Variants in CACNA1A observed in about 807,000 individuals in gnomAD.
CACNA1A encodes the protein calcium voltage-gated channel subunit alpha1 A, also known as voltage-dependent P/Q-type calcium channel subunit alpha-1A.
In CACNA1A, 57 loss-of-function variants were observed where a neutral mutation model predicts 262.4. The ratio of observed to expected loss-of-function variants is 0.22; its 90% CI spans 0.18 to 0.27. The LOEUF (loss-of-function observed/expected upper bound fraction) is 0.27, where lower values mean the gene tolerates loss of function less well. Among genes scored for constraint, CACNA1A ranks in the 10% least tolerant of loss-of-function variants. The pLI is 1.00. For synonymous variants in CACNA1A, 1,431 were observed against 1,419.3 expected (o/e 1.01, Z -0.18); for missense variants, 2,526 against 3,562.8 (o/e 0.71, Z 7.41).
At chr19:13,410,396 A>T (rs2060088099) in intron 3 of CACNA1A, among the ~76,000 whole-genome samples, 2 of 151,354 alleles carry the variant, frequency 1.3e-5, no homozygotes, top group South Asian at 2.1e-4. Flanking sequence ...CCAGCTAATT[A>T]AAAAAAAATT....
rs1248444650 is a variant in CACNA1A at position 13,298,907 on chromosome 19, C to A, written c.2726G>T (p.Ser909Ile). ...CTCCCAGAACCCGGGTTGCTCCAGG[C>A]TGCCCTCCCGGGCGTGGTGGTCCGA... ...RESDHHAREG[S>I]LEQPGFWEGE... The change falls in exon 19 of 47, where the codon AGC becomes ATC. Residue 909 changes from serine (S) to isoleucine (I), a missense_variant. Physicochemically the swap from Ser to Ile is moderately radical, Grantham distance 142. This residue lies in a region of CACNA1A where 765 missense variants were observed against 748.6 expected (regional missense o/e 1.02). Coordinates refer to ENST00000360228, the MANE Select transcript of CACNA1A (RefSeq NM_001127222.2). 1 of 1,594,984 alleles carries A rather than the reference C, an allele frequency of 6.3e-7. No homozygotes were observed. The highest frequency in any genetic ancestry group is 1.7e-5 in the Admixed American group (1 of 59,696).
chr19:13,429,736 C>G (rs1055632951), intron 3 of CACNA1A, among the ~76,000 whole-genome samples: 6 of 151,632 alleles, frequency 4.0e-5, no homozygotes, highest in Admixed American at 4.0e-4. Flanking sequence ...TCTGGATGAA[C>G]AGATAAGCAA....
At chr19:13,392,477 A>C (rs1327268046) in intron 3 of CACNA1A, among the ~76,000 whole-genome samples, 2 of 152,200 alleles carry the variant, frequency 1.3e-5, no homozygotes, top group East Asian at 3.9e-4. Flanking sequence ...CAATGGATGA[A>C]TCCAATTGAT....
chr19:13,409,407 G>A (rs1464185477), intron 3 of CACNA1A, among the ~76,000 whole-genome samples: 3 of 152,070 alleles, frequency 2.0e-5, no homozygotes, highest in African/African-American at 7.2e-5. Context: ...TTGTGTGTCT[G>A]TGTGATGTCT....
At chr19:13,306,739 G>T in intron 15 of CACNA1A, 1 of 152,328 alleles carries the variant, frequency 6.6e-6, no homozygotes, top group Non-Finnish European at 1.5e-5. Flanking sequence ...TCACCCCAAG[G>T]CCAGGTCCTA....
chr19:13,288,230 T>C (rs1486074703), intron 19 of CACNA1A, among the ~76,000 whole-genome samples: 1 of 146,322 alleles, frequency 6.8e-6, no homozygotes, highest in Non-Finnish European at 1.5e-5. Flanking sequence ...TCTTTCTTTC[T>C]TTTTCTTTTT....
intron 36 of CACNA1A, 89 bp from the exon 37 acceptor site, chr19:13,227,616 G>A (rs542389911): frequency 3.2e-4 from 168 of 530,976 alleles, no homozygotes; most frequent in Middle Eastern, 2.4e-3. Flanking sequence ...GAGAGGTGGG[G>A]AGAAACAGAA....
At position 13,359,657 on chromosome 19, in the gene CACNA1A, C is replaced by T. The variant is rs1283111514; in HGVS notation, c.927G>A (p.Leu309=). 1 of 1,610,868 alleles carries T rather than the reference C, an allele frequency of 6.2e-7. No individual in the cohort carries two copies. Among genetic ancestry groups the T allele is most frequent in the African/African-American group, 1.3e-5 (1 of 74,902 alleles). The change falls in exon 6 of 47, where the codon CTG becomes CTA. Residue 309 remains leucine (L), a synonymous_variant. Coordinates refer to ENST00000360228, the MANE Select transcript of CACNA1A (RefSeq NM_001127222.2). ...TQFDNILFAV[L]TVFQCITMEG... is the part of the protein sequence containing the mutation. ...CCATGGTTATGCACTGGAAAACAGT[C>T]AGCACTGCAAACAGGATGTTGTCGA...
intron 1 of CACNA1A, among the ~76,000 whole-genome samples, chr19:13,493,674 T>G (rs4926295): frequency 1.3e-5 from 2 of 152,132 alleles, no homozygotes; most frequent in Non-Finnish European, 1.5e-5. Flanking sequence ...AATTATGGGC[T>G]TGGAGTGCCA....
intron 15 of CACNA1A, among the ~76,000 whole-genome samples, chr19:13,307,057 G>C (rs531437968): frequency 2.0e-5 from 3 of 152,050 alleles, no homozygotes; most frequent in Non-Finnish European, 2.9e-5. Flanking sequence ...CAACCTCCTG[G>C]GCTCAAGCAA....
chr19:13,446,270 GGAAA>G (rs138475153), intron 3 of CACNA1A, among the ~76,000 whole-genome samples: 17,617 of 124,236 alleles, frequency 0.14, 1,450 homozygotes, highest in East Asian at 0.31. Flanking sequence ...AAAAAAAAAA[GGAAA>G]GAAAGTACTC....
chr19:13,230,321 C>A, intron 35 of CACNA1A, 112 bp from the exon 36 acceptor site: 2 of 1,101,784 alleles, frequency 1.8e-6, no homozygotes, highest in Middle Eastern at 2.1e-4. Flanking sequence ...AAGACATGTA[C>A]ACAGAGGCCC....
Position 13,298,570 on chromosome 19 carries a change from G to T in CACNA1A, c.3063C>A (p.Asp1021Glu), listed in dbSNP as rs1038705410. The change falls in exon 19 of 47, where the codon GAC (aspartate) becomes GAA (glutamate). Residue 1021 changes from aspartate to glutamate, a missense_variant. Physicochemically the swap from Asp to Glu is conservative, Grantham distance 45. Transcript: ENST00000360228. The part of the protein sequence containing the change: ...ATYEGDARRE[D>E]KERRHRRRKE... ...TCCTCCTCCGATGCCTCCGCTCCTT[G>T]TCCTCCCTCCGCGCGTCCCCCTCGT... The T allele has an allele frequency of 1.0e-5, 16 of 1,543,372 alleles. No individual in the cohort carries two copies. The African/African-American group carries it at 2.2e-4, about 22-fold the overall frequency.
At chr19:13,374,036 C>T (rs2059366256) in intron 3 of CACNA1A, among the ~76,000 whole-genome samples, 1 of 152,134 alleles carries the variant, frequency 6.6e-6, no homozygotes, top group African/African-American at 2.4e-5. Context: ...AGTCAAGTTC[C>T]CATAGATGAG....
intron 1 of CACNA1A, among the ~76,000 whole-genome samples, chr19:13,473,398 A>G (rs1978293093): frequency 6.6e-6 from 1 of 152,246 alleles, no homozygotes; most frequent in Admixed American, 6.5e-5. Flanking sequence ...AGAAACTGGA[A>G]GAATCAAGGA....
At chr19:13,489,553 C>T (rs994110579) in intron 1 of CACNA1A, among the ~76,000 whole-genome samples, 43 of 152,178 alleles carry the variant, frequency 2.8e-4, no homozygotes, top group Admixed American at 5.2e-4. Flanking sequence ...ATTACAGGCA[C>T]AAGCCATTGA....
At chr19:13,399,396 GAA>G (rs2059860951) in intron 3 of CACNA1A, among the ~76,000 whole-genome samples, 1 of 85,486 alleles carries the variant, frequency 1.2e-5, no homozygotes, top group Non-Finnish European at 1.9e-5. Flanking sequence ...CCAAAAATGA[GAA>G]GAAGAAGAAG....
In CACNA1A at chr19:13,212,852, T is replaced by A. The variant is rs992208155; in HGVS notation, c.5941-112A>T. 4.0e-4 allele frequency: 189 copies of A among 477,068 alleles called. No individual in the cohort carries two copies. Among genetic ancestry groups the A allele is most frequent in the South Asian group, 7.0e-4 (21 of 29,992 alleles). The allele number at this position is 477,068 out of a possible 1,614,324, so 29.6% of individuals were successfully genotyped here. On this transcript the variant is annotated intron_variant, in intron 40 of 46. Coordinates refer to ENST00000360228, the MANE Select transcript of CACNA1A (RefSeq NM_001127222.2). This position sits in a 1 kb window ranked among gnomAD's most constrained non-coding sequence, Gnocchi z 5.6. ...TACACACACACACACACACACACTC[T>A]CTCAGGTCTCATCCATCTAGACCCT...
At chr19:13,359,280 ATCTTT>A (rs2059060869) in intron 6 of CACNA1A, among the ~76,000 whole-genome samples, 1 of 152,216 alleles carries the variant, frequency 6.6e-6, no homozygotes, top group African/African-American at 2.4e-5. Flanking sequence ...ATATTACTCT[ATCTTT>A]TATCTGTGTT....
Sources: allele counts gnomAD v4.1 joint callset (sites outside exome capture counted in the v4.1 genomes callset), GRCh38; gene constraint gnomAD v4.1.1; regional missense constraint gnomAD v4.1.1; non-coding constraint Gnocchi (gnomAD v3.1); transcripts MANE v1.5; gene names NCBI Gene and HGNC (gene_info 2026-07-23, HGNC 2026-07-21).